The following GRIA4 variants were observed in gnomAD, a reference collection of about 807,000 sequenced individuals.
The protein encoded by GRIA4 is glutamate ionotropic receptor AMPA type subunit 4, also known as glutamate receptor 4.
In GRIA4, 34 loss-of-function variants were observed where a neutral mutation model predicts 104.0. The observed-to-expected ratio is 0.33, with a 90% CI of 0.25 to 0.44. GRIA4 has a LOEUF of 0.44. GRIA4 is among the 20% of genes least tolerant of loss of function. The pLI is 1.00. For synonymous variants in GRIA4, 386 were observed against 381.9 expected, an observed-to-expected ratio of 1.01 and a Z score of -0.13; for missense variants, 750 against 1,096.5, an observed-to-expected ratio of 0.68 and a Z score of 4.46.
intron 14 of GRIA4, among the ~76,000 whole-genome samples, chr11:105,964,361 C>G (rs1438974694): frequency 6.6e-6 from 1 of 152,142 alleles, no homozygotes; most frequent in South Asian, 2.1e-4. Flanking sequence ...TGTTTACTCT[C>G]CAAGTGGATC....
intron 14 of GRIA4, among the ~76,000 whole-genome samples, chr11:105,949,119 C>A (rs1369534824): frequency 6.6e-6 from 1 of 152,148 alleles, no homozygotes; most frequent in Non-Finnish European, 1.5e-5. Flanking sequence ...TATAATCTCA[C>A]TGAAATATCT....
chr11:105,927,764 G>A (rs1591454463), intron 13 of GRIA4, among the ~76,000 whole-genome samples: 2 of 149,460 alleles, frequency 1.3e-5, no homozygotes, highest in Non-Finnish European at 2.9e-5. Flanking sequence ...GGTAATGTCT[G>A]ATAACAGATA....
At chr11:105,811,728 C>T (rs1943180531) in intron 4 of GRIA4, among the ~76,000 whole-genome samples, 1 of 152,116 alleles carries the variant, frequency 6.6e-6, no homozygotes, top group Non-Finnish European at 1.5e-5. Context: ...TGATATGTAT[C>T]TGAAATTCAA....
chr11:105,980,514 C>T lies in GRIA4; in HGVS notation c.*775C>T, dbSNP rs975675397. On this transcript the variant is annotated 3_prime_UTR_variant, in exon 17 of 17. Transcript: ENST00000282499. ...CACTATGTCACATGAGTCGATTCAC[C>T]GATTGCATTTGTCTCACAACCAGGA... 2.0e-5 allele frequency: 3 copies of T among 152,422 alleles called. No homozygotes were observed. The highest frequency in any genetic ancestry group is 4.4e-5 in the Non-Finnish European group (3 of 68,006). The allele number at this position is 152,422 out of a possible 1,614,324, so 9.4% of individuals were successfully genotyped here. A position where few individuals can be genotyped will look rare whatever the true frequency, so the allele number is the denominator to read the frequency against.
At chr11:105,730,387 A>G (rs933244168) in intron 3 of GRIA4, among the ~76,000 whole-genome samples, 6 of 152,250 alleles carry the variant, frequency 3.9e-5, no homozygotes, top group African/African-American at 1.2e-4. Flanking sequence ...GAGGACACAA[A>G]CAAATGGAAA....
chr11:105,972,321 T>G (rs890911196), intron 15 of GRIA4, among the ~76,000 whole-genome samples: 5 of 152,192 alleles, frequency 3.3e-5, no homozygotes, highest in African/African-American at 9.7e-5. Flanking sequence ...TAGTGTTTTT[T>G]GGGGTAGTTT....
intron 4 of GRIA4, among the ~76,000 whole-genome samples, chr11:105,762,374 C>A (rs181798494): frequency 6.6e-6 from 1 of 152,068 alleles, no homozygotes; most frequent in Non-Finnish European, 1.5e-5. Flanking sequence ...TGTTTAGAGT[C>A]GGGTAAAAAC....
At chr11:105,746,960 GA>G (rs538177345) in intron 3 of GRIA4, among the ~76,000 whole-genome samples, 2 of 151,176 alleles carry the variant, frequency 1.3e-5, no homozygotes, top group Middle Eastern at 3.4e-3. Flanking sequence ...GTAGATGTAG[GA>G]AAAAAAAATC....
rs141028146 is a variant in GRIA4, at chr11:105,650,661, A to T, written c.247+38227A>T. ...GGGCAGACACTTTTTAAAAATATGA[A>T]TTCCTGCCCTTGAGTCTCTGCAATT... On this transcript the variant is annotated intron_variant, in intron 3 of 16. Coordinates refer to ENST00000282499, the MANE Select transcript of GRIA4 (RefSeq NM_000829.4). Among the ~76,000 whole-genome samples the T allele has an allele frequency of 6.2e-3, 942 of 152,242 alleles. 10 individuals carry two copies. The highest frequency in any genetic ancestry group is 0.022 in the African/African-American group (912 of 41,560).
At chr11:105,868,701 T>C (rs1945514191) in intron 5 of GRIA4, among the ~76,000 whole-genome samples, 1 of 152,116 alleles carries the variant, frequency 6.6e-6, no homozygotes, top group African/African-American at 2.4e-5. Context: ...TTCCATATAT[T>C]AAAGTAACAA....
chr11:105,883,605 CTCA>C (rs1285169729), intron 5 of GRIA4, among the ~76,000 whole-genome samples: 1 of 152,120 alleles, frequency 6.6e-6, no homozygotes, highest in African/African-American at 2.4e-5. Context: ...AGGACACAAA[CTCA>C]TCATTTTTTA....
rs141011583 is a variant in GRIA4, at chr11:105,975,376, C to G, written c.2544+932C>G. On this transcript the variant is annotated intron_variant, in intron 16 of 16. Coordinates refer to ENST00000282499, the MANE Select transcript of GRIA4 (RefSeq NM_000829.4). The stretch of plus-strand genomic sequence containing the variant: ...ACTATTTTTTTTTTCATTTCCATTG[C>G]TTTTAAGCAATCCAGGTTAGCCCCA... 5.0e-3 allele frequency among the ~76,000 whole-genome samples: 752 copies of G among 151,676 alleles called. 5 individuals carry two copies. Among genetic ancestry groups the G allele is most frequent in the African/African-American group, 0.017 (693 of 41,370 alleles).
At chr11:105,776,184 A>T (rs966305564) in intron 4 of GRIA4, among the ~76,000 whole-genome samples, 2 of 152,076 alleles carry the variant, frequency 1.3e-5, no homozygotes, top group African/African-American at 2.4e-5. Context: ...TAAAGAATAA[A>T]TCATTGTACA....
chr11:105,910,919 A>G (rs1189784300), intron 10 of GRIA4, among the ~76,000 whole-genome samples: 3 of 152,128 alleles, frequency 2.0e-5, no homozygotes, highest in Non-Finnish European at 2.9e-5. Flanking sequence ...TATTGTTACT[A>G]TGTTTTTAAA....
rs150865999 is a variant in GRIA4 at position 105,824,389 on chromosome 11, T to C, written c.488-37635T>C. Among the ~76,000 whole-genome samples the C allele has an allele frequency of 6.6e-5, 10 of 152,122 alleles. No homozygotes were observed. The East Asian group carries it at 1.9e-3, about 29-fold the overall frequency. On this transcript the variant is annotated intron_variant, in intron 4 of 16. Coordinates refer to ENST00000282499, the MANE Select transcript of GRIA4 (RefSeq NM_000829.4). ...AATTTTTTATTAAACAATATCTGAC[T>C]TCCTACTATGGAAGATGAAGATGTA... is the stretch of plus-strand genomic sequence containing the variant.
chr11:105,645,207 C>T (rs1951491984), intron 3 of GRIA4, among the ~76,000 whole-genome samples: 1 of 152,196 alleles, frequency 6.6e-6, no homozygotes, highest in African/African-American at 2.4e-5. Context: ...TGCAAAAAGA[C>T]ACTTTACATA....
chr11:105,634,494 AAAGAAAG>A (rs1565419940), intron 3 of GRIA4, among the ~76,000 whole-genome samples: 1 of 68,968 alleles, frequency 1.4e-5, no homozygotes, highest in African/African-American at 4.3e-5. Flanking sequence ...AGAAAGAAAG[AAAGAAAG>A]AAAGAAAGAA....
In GRIA4 at chr11:105,808,894, A is replaced by G. The variant is rs1359280156; in HGVS notation, c.488-53130A>G. ...TGTAGAATTTAATGAATTCCAAGGA[A>G]AAACAAATAGCTTCACACATATTTA... On this transcript the variant is annotated intron_variant, in intron 4 of 16. Coordinates refer to ENST00000282499, the MANE Select transcript of GRIA4 (RefSeq NM_000829.4). Among the ~76,000 whole-genome samples the G allele has an allele frequency of 2.0e-5, 3 of 152,194 alleles. No individual in the cohort carries two copies. The South Asian group carries it at 6.2e-4, about 31-fold the overall frequency.
chr11:105,835,984 T>G (rs1033388887), intron 4 of GRIA4, among the ~76,000 whole-genome samples: 1 of 152,046 alleles, frequency 6.6e-6, no homozygotes, highest in Non-Finnish European at 1.5e-5. Flanking sequence ...AAAAGAAGAT[T>G]TGGAACATCA....
Sources: gnomAD v4.1 joint callset for allele counts (sites outside exome capture counted in the v4.1 genomes callset) on GRCh38, gnomAD v4.1.1 for gene constraint, MANE v1.5 for transcripts, NCBI Gene and HGNC (gene_info 2026-07-23, HGNC 2026-07-21) for gene names.